The following SGCD variants were observed in gnomAD, a reference collection of about 807,000 sequenced individuals.
The protein encoded by SGCD is delta-sarcoglycan.
A neutral mutation model predicts 36.6 loss-of-function variants in SGCD; 18 were observed. The ratio of observed to expected loss-of-function variants is 0.49; its 90% CI spans 0.34 to 0.73. The LOEUF is 0.73. Ranked by LOEUF, SGCD falls within the 30% of genes least tolerant of loss-of-function variation. The pLI is 0.01. For missense variants in SGCD, 387 were observed against 346.7 expected, an observed-to-expected ratio of 1.12 and a Z score of -0.92; for synonymous variants, 133 against 130.6, an observed-to-expected ratio of 1.02 and a Z score of -0.12.
intron 4 of SGCD, among the ~76,000 whole-genome samples, chr5:156,550,754 G>A (rs1193816693): frequency 6.6e-6 from 1 of 152,152 alleles, no homozygotes; most frequent in African/African-American, 2.4e-5. Flanking sequence ...CAAAGGACCT[G>A]GTTGAGAACT....
At chr5:155,973,483 AG>A (rs1758045679) in intron 1 of SGCD, among the ~76,000 whole-genome samples, 2 of 152,326 alleles carry the variant, frequency 1.3e-5, no homozygotes, top group Admixed American at 1.3e-4. Flanking sequence ...ATGAAATTTA[AG>A]GTTCAGCTCA....
intron 3 of SGCD, among the ~76,000 whole-genome samples, chr5:156,502,964 A>G (rs1756520649): frequency 6.6e-6 from 1 of 152,218 alleles, no homozygotes; most frequent in Non-Finnish European, 1.5e-5. Context: ...CATTAGGCAG[A>G]CCGAGAGACA....
At chr5:155,789,119 G>T in the SGCD span, among the ~76,000 whole-genome samples, 2 of 152,128 alleles carry the variant, frequency 1.3e-5, no homozygotes, top group African/African-American at 4.8e-5. Context: ...TATCAAGATT[G>T]TAAAATTAGC....
intron 3 of SGCD, among the ~76,000 whole-genome samples, chr5:156,271,371 T>C (rs1032113440): frequency 1.3e-5 from 2 of 152,138 alleles, no homozygotes; most frequent in African/African-American, 4.8e-5. Flanking sequence ...TACAGGTTCG[T>C]CTGGTCTTAT....
chr5:156,074,538 C>T (rs1581081688), intron 1 of SGCD, among the ~76,000 whole-genome samples: 3 of 152,038 alleles, frequency 2.0e-5, no homozygotes, highest in South Asian at 2.1e-4. Flanking sequence ...AAAAATTAGC[C>T]GGGCGTGGTG....
chr5:155,938,982 T>C (rs967376471), intron 1 of SGCD, among the ~76,000 whole-genome samples: 2 of 152,206 alleles, frequency 1.3e-5, no homozygotes, highest in Non-Finnish European at 2.9e-5. Flanking sequence ...GAAGCTGCAC[T>C]AATAGCCAAC....
chr5:156,076,969 T>A (rs141947777), intron 1 of SGCD, among the ~76,000 whole-genome samples: 3 of 152,232 alleles, frequency 2.0e-5, no homozygotes, highest in Non-Finnish European at 4.4e-5. Context: ...ATATACAATG[T>A]TTGTTTTACT....
At chr5:156,104,413 GC>G (rs1335813546) in intron 1 of SGCD, among the ~76,000 whole-genome samples, 1 of 152,044 alleles carries the variant, frequency 6.6e-6, no homozygotes, top group Non-Finnish European at 1.5e-5. Flanking sequence ...TAATTTCTAA[GC>G]CCCCTTGTTG....
intron 3 of SGCD, among the ~76,000 whole-genome samples, chr5:156,225,445 A>G (rs1475730894): frequency 6.6e-6 from 1 of 152,110 alleles, no homozygotes. Flanking sequence ...AATTACAATA[A>G]TTTATCCCAG....
intron 3 of SGCD, among the ~76,000 whole-genome samples, chr5:156,359,233 A>C (rs1232912189): frequency 6.6e-6 from 1 of 152,146 alleles, no homozygotes; most frequent in East Asian, 1.9e-4. Flanking sequence ...TCTTCTTTGG[A>C]GCTGGTTTAT....
At chr5:156,323,233 A>G (rs1224556326), upstream of SGCD, among the ~76,000 whole-genome samples, 1 of 152,180 alleles carries the variant, frequency 6.6e-6, no homozygotes, top group Non-Finnish European at 1.5e-5. Flanking sequence ...CTTCTGAATG[A>G]GAGAAGGAGT....
Position 156,073,214 on chromosome 5 carries a change from G to C in SGCD, c.-281-44664G>C, listed in dbSNP as rs144450586. Among the ~76,000 whole-genome samples, 88 of 152,236 alleles carry C rather than the reference G, an allele frequency of 5.8e-4. 1 individual carries two copies. The highest frequency in any genetic ancestry group is 2.0e-3 in the African/African-American group (85 of 41,548). ...AATGACACGACGGAGTAGATGCAAA[G>C]TTAGGACAAAATGGCTGTCTTCTGT... On this transcript the variant is annotated intron_variant, in intron 1 of 9. Transcript: ENST00000517913.
intron 6 of SGCD, among the ~76,000 whole-genome samples, chr5:156,612,571 C>G (rs1761865451): frequency 6.6e-6 from 1 of 152,222 alleles, no homozygotes; most frequent in Non-Finnish European, 1.5e-5. Flanking sequence ...TGTCACCTTC[C>G]CCACTATGCA....
chr5:155,873,318 C>T (rs1422171746), intron 1 of SGCD, among the ~76,000 whole-genome samples: 4 of 152,126 alleles, frequency 2.6e-5, no homozygotes, highest in African/African-American at 9.7e-5. Flanking sequence ...CATGCAGCCA[C>T]TTGAATGGAA....
the SGCD span, among the ~76,000 whole-genome samples, chr5:155,818,048 T>C: frequency 6.6e-6 from 1 of 152,186 alleles, no homozygotes; most frequent in Non-Finnish European, 1.5e-5. Context: ...TAGTAAACTA[T>C]AAAACAACAT....
intron 6 of SGCD, among the ~76,000 whole-genome samples, chr5:156,608,191 A>G (rs1453101797): frequency 3.3e-5 from 5 of 152,096 alleles, no homozygotes; most frequent in African/African-American, 1.2e-4. Context: ...AGTGCTATAA[A>G]TTTCCCTCTA....
chr5:156,630,470 T>C (rs973324637), intron 6 of SGCD, among the ~76,000 whole-genome samples: 1 of 152,206 alleles, frequency 6.6e-6, no homozygotes. Flanking sequence ...ACTCTTACTG[T>C]GTGCCATGCA....
chr5:156,487,954 C>A (rs1581064439), intron 3 of SGCD, among the ~76,000 whole-genome samples: 1 of 69,788 alleles, frequency 1.4e-5, no homozygotes. Flanking sequence ...AGAAATGTAA[C>A]ATATATTATA....
intron 3 of SGCD, among the ~76,000 whole-genome samples, chr5:156,253,655 A>G (rs899324374): frequency 2.6e-5 from 4 of 152,202 alleles, no homozygotes; most frequent in Non-Finnish European, 5.9e-5. Context: ...TAATACATCA[A>G]AAATATATCT....
Sources: allele counts gnomAD v4.1 joint callset (sites outside exome capture counted in the v4.1 genomes callset), GRCh38; gene constraint gnomAD v4.1.1; transcripts MANE v1.5; gene names NCBI Gene and HGNC (gene_info 2026-07-23, HGNC 2026-07-21).